Variants in ZNF606 observed in about 807,000 individuals in gnomAD.
The protein encoded by ZNF606 is zinc finger protein 328.
In ZNF606, 37 loss-of-function variants were observed where a neutral mutation model predicts 74.9. The observed-to-expected ratio is 0.49, with a 90% confidence interval of 0.38 to 0.65. ZNF606 has a LOEUF of 0.65. Among genes scored for constraint, ZNF606 ranks in the 30% least tolerant of loss-of-function variants. The pLI, the probability that ZNF606 is intolerant of heterozygous loss-of-function variation, is 0.00. For synonymous variants in ZNF606, 328 were observed against 312.4 expected (o/e 1.05, Z -0.53); for missense variants, 852 against 952.9 (o/e 0.89, Z 1.39).
rs183583434 is a variant in ZNF606, at chr19:58,000,953, G to A, written c.32-214C>T. Among the ~76,000 whole-genome samples the A allele has an allele frequency of 6.6e-5, 10 of 152,262 alleles. No homozygotes were observed. In the East Asian group the frequency reaches 1.2e-3, roughly 18 times the overall value. Reference sequence around the variant, plus strand: ...CACCGTTTTAAAATTACCAACCAATGCTATATAAGTAAAAACAATAAAGGT... The same window carrying A: ...CACCGTTTTAAAATTACCAACCAATACTATATAAGTAAAAACAATAAAGGT... On this transcript the variant is annotated intron_variant, in intron 2 of 6. Coordinates refer to ENST00000551380, the MANE Select transcript of ZNF606 (RefSeq NM_001348022.3).
In ZNF606 at chr19:57,988,738, G is replaced by A. The variant is rs772354938; in HGVS notation, c.178-17C>T. ...CACTGGTTCCTAAAAGAACACAAAC[G>A]TTCCTTCTCAGCCTGTGACCACCCC... On this transcript the variant is annotated splice_polypyrimidine_tract_variant and intron_variant, in intron 4 of 6. Coordinates refer to ENST00000551380, the MANE Select transcript of ZNF606 (RefSeq NM_001348022.3). 2.5e-5 allele frequency: 41 copies of A among 1,613,746 alleles called. 1 individual carries two copies. The East Asian group carries it at 3.8e-4, about 15-fold the overall frequency.
intron 4 of ZNF606, chr19:57,999,486 A>C: frequency 2.2e-6 from 1 of 450,018 alleles, no homozygotes; most frequent in Non-Finnish European, 4.0e-6. Flanking sequence ...ACTGCACAGC[A>C]TCAGCCTAAA....
intron 4 of ZNF606, among the ~76,000 whole-genome samples, chr19:57,994,322 A>C (rs1469657215): frequency 6.6e-6 from 1 of 152,230 alleles, no homozygotes; most frequent in African/African-American, 2.4e-5. Context: ...CAATTTGTTC[A>C]GGAGGTCCAG....
intron 6 of ZNF606, among the ~76,000 whole-genome samples, chr19:57,987,430 T>C (rs951275476): frequency 6.6e-6 from 1 of 150,894 alleles, no homozygotes; most frequent in Non-Finnish European, 1.5e-5. Flanking sequence ...TAAAGGAGAT[T>C]TTTTTTTTAG....
At chr19:57,990,614 CTCCAAGGG>C (rs2073244143) in intron 4 of ZNF606, among the ~76,000 whole-genome samples, 1 of 151,720 alleles carries the variant, frequency 6.6e-6, no homozygotes, top group African/African-American at 2.4e-5. Context: ...ACCGCTCCCA[CTCCAAGGG>C]TCCTCTGGAC....
chr19:57,980,378 T>C, intron 6 of ZNF606, 99 bp from the exon 7 acceptor site: 3 of 1,286,022 alleles, frequency 2.3e-6, no homozygotes, highest in Non-Finnish European at 3.2e-6. Context: ...AAAACACTAG[T>C]ATAAATTTGT....
intron 6 of ZNF606, among the ~76,000 whole-genome samples, chr19:57,986,732 T>C (rs2123292154): frequency 6.6e-6 from 1 of 152,294 alleles, no homozygotes; most frequent in South Asian, 2.1e-4. Context: ...CACAAAGTTT[T>C]GGTATACTAT....
intron 6 of ZNF606, among the ~76,000 whole-genome samples, chr19:57,984,271 C>T (rs1243489755): frequency 1.3e-5 from 2 of 152,170 alleles, no homozygotes; most frequent in Admixed American, 6.5e-5. Context: ...CTGGTTCTAT[C>T]GGCTGTGATC....
rs375572205 is a variant in ZNF606 at position 57,992,968 on chromosome 19, CT to C, written c.178-4248del. 2.6e-3 allele frequency among the ~76,000 whole-genome samples: 400 copies of C among 152,308 alleles called. 3 individuals carry two copies. Among genetic ancestry groups the C allele is most frequent in the African/African-American group, 9.2e-3 (381 of 41,560 alleles). On this transcript the variant is annotated intron_variant, in intron 4 of 6. Transcript: ENST00000551380. ...GAACTTTACAGATATAATTAAGAATCTTTAGAGGGATTACCCTGGATTATCC... is the reference window on the plus strand; with the variant it reads ...GAACTTTACAGATATAATTAAGAATCTTAGAGGGATTACCCTGGATTATCC...
At chr19:57,997,805 G>C (rs972848732) in intron 4 of ZNF606, 8 of 152,210 alleles carry the variant, frequency 5.3e-5, no homozygotes, top group African/African-American at 1.9e-4. Flanking sequence ...CTTCACTACT[G>C]ATTATTCTGT....
chr19:57,980,236 C>G lies in ZNF606; in HGVS notation c.444G>C (p.Gln148His). The change falls in exon 7 of 7, where the codon CAG (glutamine) becomes CAC (histidine). Residue 148 changes from glutamine to histidine, a missense_variant. Around this residue, in one of 3 missense-constraint regions of ZNF606, gnomAD observed 545 missense variants for 542.5 expected, o/e 1.00. Coordinates refer to ENST00000551380, the MANE Select transcript of ZNF606 (RefSeq NM_001348022.3). Reference protein sequence around the residue: ...NLESKALIPAQSIFEEEQSHG... With the variant: ...NLESKALIPAHSIFEEEQSHG... ...GGGATTGTTCTTCCTCAAAAATGCT[C>G]TGTGCTGGGATCAATGCTTTGCTTT... 1 of 1,613,994 alleles carries G rather than the reference C, an allele frequency of 6.2e-7. No homozygotes were observed. Among genetic ancestry groups the G allele is most frequent in the South Asian group, 1.1e-5 (1 of 91,076 alleles).
chr19:57,978,620 C>T lies in ZNF606; in HGVS notation c.2060G>A (p.Arg687Lys). ...EKPYKCNQCE[R>K]SFNCSSHLIA... ...GAGGTGAGAACTACAGTTAAAGGAT[C>T]TTTCACACTGATTACATTTATAGGG... Residue 687 changes from arginine to lysine, a missense_variant, in exon 7 of 7, where the codon AGA becomes AAA. Around this residue, in one of 3 missense-constraint regions of ZNF606, gnomAD observed 243 missense variants for 359.2 expected, o/e 0.68. Coordinates refer to ENST00000551380, the MANE Select transcript of ZNF606 (RefSeq NM_001348022.3). This position sits in a 1 kb window ranked among gnomAD's most constrained non-coding sequence, Gnocchi z 4.4. 6.2e-7 allele frequency: 1 copy of T among 1,613,854 alleles called. No individual in the cohort carries two copies. The highest frequency in any genetic ancestry group is 8.5e-7 in the Non-Finnish European group (1 of 1,179,992).
At chr19:57,996,540 A>G (rs1286124863) in intron 4 of ZNF606, among the ~76,000 whole-genome samples, 2 of 152,190 alleles carry the variant, frequency 1.3e-5, no homozygotes, top group African/African-American at 4.8e-5. Flanking sequence ...GGGACACAGT[A>G]AACACCTTCA....
chr19:58,000,828 C>T, intron 2 of ZNF606, 89 bp from the exon 3 acceptor site: 1 of 1,287,692 alleles, frequency 7.8e-7, no homozygotes, highest in Non-Finnish European at 1.1e-6. Flanking sequence ...CGCTAATGGG[C>T]ACTACAAAAT....
intron 4 of ZNF606, 26 bp downstream of exon 4, chr19:57,999,782 C>T (rs10451433): frequency 0.23 from 362,803 of 1,609,188 alleles, 42,365 homozygotes; most frequent in Middle Eastern, 0.24. Context: ...ACATCATCCT[C>T]TGGGAACAGG....
intron 1 of ZNF606, 113 bp from the exon 2 acceptor site, chr19:58,001,483 G>GT: frequency 5.4e-6 from 4 of 746,434 alleles, no homozygotes; most frequent in Non-Finnish European, 9.0e-6. Flanking sequence ...AAGGAGCATC[G>GT]TAAGAAAAGA....
At chr19:58,001,513 G>A (rs547622371) in intron 1 of ZNF606, 143 bp from the exon 2 acceptor site, 3 of 645,178 alleles carry the variant, frequency 4.6e-6, no homozygotes, top group Admixed American at 2.7e-5. Context: ...TGTCAAAAAA[G>A]TAACACAATT....
intron 1 of ZNF606, 164 bp downstream of exon 1, chr19:58,002,232 T>G (rs1048874928): frequency 1.1e-5 from 5 of 456,702 alleles, no homozygotes; most frequent in African/African-American, 1.0e-4. Flanking sequence ...GTGCTTTGTG[T>G]GAACTGGCAG....
rs1001932481 is a variant in ZNF606, at chr19:58,002,671, G to T, written c.-327C>A. 1 of 454,014 alleles carries T rather than the reference G, an allele frequency of 2.2e-6. No individual in the cohort carries two copies. Among genetic ancestry groups the T allele is most frequent in the African/African-American group, 2.0e-5 (1 of 49,822 alleles). The allele number at this position is 454,014 out of a possible 1,614,324, so 28.1% of individuals were successfully genotyped here. On this transcript the variant is annotated 5_prime_UTR_variant, in exon 1 of 7. Coordinates refer to ENST00000551380, the MANE Select transcript of ZNF606 (RefSeq NM_001348022.3). ...GGCAACGACGGCGCAAAGCCGGCGCGGAAAGGGCAGGCGCAGGACCCACCC... is the reference window on the plus strand; with the variant it reads ...GGCAACGACGGCGCAAAGCCGGCGCTGAAAGGGCAGGCGCAGGACCCACCC...
Sources: allele counts gnomAD v4.1 joint callset (sites outside exome capture counted in the v4.1 genomes callset), GRCh38; gene constraint gnomAD v4.1.1; regional missense constraint gnomAD v4.1.1; non-coding constraint Gnocchi (gnomAD v3.1); transcripts MANE v1.5; gene names NCBI Gene and HGNC (gene_info 2026-07-23, HGNC 2026-07-21).